UNC5D: variants seen among roughly 807,000 people sequenced by gnomAD.
UNC5D encodes the protein unc-5 netrin receptor D.
In UNC5D, 39 loss-of-function variants were observed where a neutral mutation model predicts 105.4. That is an observed-to-expected ratio of 0.37 (90% CI 0.29 to 0.48). The LOEUF is 0.48. Ranked by LOEUF, UNC5D falls within the 20% of genes least tolerant of loss-of-function variation. The pLI is 0.98. For missense variants in UNC5D, 991 were observed against 1,202.4 expected, an observed-to-expected ratio of 0.82 and a Z score of 2.60; for synonymous variants, 452 against 450.4, an observed-to-expected ratio of 1.00 and a Z score of -0.04.
chr8:35,387,021 C>CA (rs1315800910), intron 1 of UNC5D, among the ~76,000 whole-genome samples: 2 of 151,780 alleles, frequency 1.3e-5, no homozygotes, highest in Non-Finnish European at 2.9e-5. Context: ...GAATTCCCCC[C>CA]CTGCTGTAGT....
At chr8:35,361,565 G>T (rs984682937) in intron 1 of UNC5D, among the ~76,000 whole-genome samples, 1 of 152,114 alleles carries the variant, frequency 6.6e-6, no homozygotes, top group South Asian at 2.1e-4. Flanking sequence ...TTTCGGTGGG[G>T]TATTGACTGT....
Position 35,463,135 on chromosome 8 carries a change from C to A in UNC5D, c.104-86157C>A, listed in dbSNP as rs1340091512. 2.0e-5 allele frequency among the ~76,000 whole-genome samples: 3 copies of A among 152,140 alleles called. No individual in the cohort carries two copies. The East Asian group carries it at 5.8e-4, about 29-fold the overall frequency. ...TTTCCAATTGGATTTGTGTCTGTTG[C>A]AGCCTTGGATGGGTTCCCACAAACT... On this transcript the variant is annotated intron_variant, in intron 1 of 16. Coordinates refer to ENST00000404895, the MANE Select transcript of UNC5D (RefSeq NM_080872.4).
intron 1 of UNC5D, among the ~76,000 whole-genome samples, chr8:35,308,525 C>G (rs900653992): frequency 2.0e-5 from 3 of 152,066 alleles, no homozygotes; most frequent in Non-Finnish European, 2.9e-5. Context: ...ACAATGGTCC[C>G]CAGTGCCGTT....
rs145582726 is a variant in UNC5D at position 35,750,234 on chromosome 8, T to C, written c.1936-348T>C. 1.2e-3 allele frequency among the ~76,000 whole-genome samples: 175 copies of C among 151,974 alleles called. 1 individual carries two copies. The highest frequency in any genetic ancestry group is 4.1e-3 in the African/African-American group (171 of 41,438). On this transcript the variant is annotated intron_variant, in intron 12 of 16. Coordinates refer to ENST00000404895, the MANE Select transcript of UNC5D (RefSeq NM_080872.4). Reference sequence around the variant, plus strand: ...CCTACTGCAATCTCCACCTCCCAGGTTCAAGTGATTCTCCTGCCTCAGACC... The same window carrying C: ...CCTACTGCAATCTCCACCTCCCAGGCTCAAGTGATTCTCCTGCCTCAGACC...
chr8:35,384,295 T>C (rs530358589), intron 1 of UNC5D, among the ~76,000 whole-genome samples: 1 of 152,264 alleles, frequency 6.6e-6, no homozygotes, highest in Non-Finnish European at 1.5e-5. Flanking sequence ...TAACTCTGTT[T>C]CCCACGGTAT....
At chr8:35,365,052 C>T (rs1190654315) in intron 1 of UNC5D, among the ~76,000 whole-genome samples, 1 of 152,102 alleles carries the variant, frequency 6.6e-6, no homozygotes, top group African/African-American at 2.4e-5. Context: ...AGTGGTATGT[C>T]ATCTTCTCAT....
chr8:35,765,060 C>T (rs899436873), intron 14 of UNC5D, among the ~76,000 whole-genome samples: 1 of 152,206 alleles, frequency 6.6e-6, no homozygotes, highest in Non-Finnish European at 1.5e-5. Context: ...TGCACTAGCA[C>T]TGAAGCAGTG....
intron 3 of UNC5D, among the ~76,000 whole-genome samples, chr8:35,579,517 A>G (rs1325750600): frequency 6.6e-6 from 1 of 152,194 alleles, no homozygotes; most frequent in African/African-American, 2.4e-5. Context: ...CCTAAGATAC[A>G]CTTCCTGAGT....
chr8:35,668,270 AT>A (rs914701155), intron 4 of UNC5D, among the ~76,000 whole-genome samples: 4 of 151,908 alleles, frequency 2.6e-5, no homozygotes, highest in Admixed American at 2.6e-4. Context: ...TTTCCTATTG[AT>A]TTTTGGGTGC....
At position 35,589,640 on chromosome 8, in the gene UNC5D, C is replaced by T. The variant is rs545116839; in HGVS notation, c.467-5914C>T. ...AACCCACCAAAACTACTTCTCTTTG[C>T]TGTCCTTCCCCATACTCCTTGCTCA... On this transcript the variant is annotated intron_variant, in intron 3 of 16. Coordinates refer to ENST00000404895, the MANE Select transcript of UNC5D (RefSeq NM_080872.4). Among the ~76,000 whole-genome samples the T allele has an allele frequency of 2.6e-5, 4 of 152,218 alleles. No homozygotes were observed. The East Asian group carries it at 7.7e-4, about 29-fold the overall frequency.
intron 1 of UNC5D, among the ~76,000 whole-genome samples, chr8:35,489,997 A>C (rs1414980044): frequency 6.6e-6 from 1 of 152,248 alleles, no homozygotes; most frequent in Admixed American, 6.5e-5. Flanking sequence ...AAAAAGAGAG[A>C]GATCACTATT....
chr8:35,371,296 C>T (rs975660811), intron 1 of UNC5D, among the ~76,000 whole-genome samples: 4 of 152,052 alleles, frequency 2.6e-5, no homozygotes, highest in Non-Finnish European at 5.9e-5. Context: ...GGATTGCCAC[C>T]TCTTAATCAT....
chr8:35,648,976 T>G (rs1394566825), intron 4 of UNC5D, among the ~76,000 whole-genome samples: 1 of 152,136 alleles, frequency 6.6e-6, no homozygotes, highest in Non-Finnish European at 1.5e-5. Flanking sequence ...TAGGGTCTAG[T>G]AAGGCAATAC....
At chr8:35,657,080 G>GCA (rs1823806698) in intron 4 of UNC5D, among the ~76,000 whole-genome samples, 4 of 46,516 alleles carry the variant, frequency 8.6e-5, no homozygotes, top group East Asian at 1.2e-3. Flanking sequence ...GTGTGTGTGT[G>GCA]TATATATATA....
At chr8:35,736,159 G>A (rs1197426006) in intron 11 of UNC5D, among the ~76,000 whole-genome samples, 1 of 152,064 alleles carries the variant, frequency 6.6e-6, no homozygotes, top group Non-Finnish European at 1.5e-5. Context: ...AGGAGTTTGA[G>A]ACCAGCCTGG....
intron 1 of UNC5D, among the ~76,000 whole-genome samples, chr8:35,545,730 T>C (rs1815614980): frequency 6.6e-6 from 1 of 152,142 alleles, no homozygotes; most frequent in Non-Finnish European, 1.5e-5. Flanking sequence ...TATACAAATA[T>C]ATACCTACAA....
intron 1 of UNC5D, among the ~76,000 whole-genome samples, chr8:35,500,428 A>C (rs907222591): frequency 1.3e-5 from 2 of 152,310 alleles, no homozygotes; most frequent in East Asian, 3.9e-4. Flanking sequence ...TGGGGGCTAC[A>C]TTTAACCTGT....
intron 1 of UNC5D, among the ~76,000 whole-genome samples, chr8:35,348,549 T>G (rs1268916720): frequency 1.3e-5 from 2 of 151,942 alleles, no homozygotes; most frequent in Admixed American, 1.3e-4. Context: ...CAAGTTCTCA[T>G]CTAGTCATGA....
Position 35,774,056 on chromosome 8 carries a change from ATT to A in UNC5D, c.2479-242_2479-241del, listed in dbSNP as rs565383103. ...GCTCTTTTAATGCTGGAAGCTAGTC[ATT>A]GTGACGCCCCTGAGTGGAAGAGGCT... On this transcript the variant is annotated intron_variant, in intron 15 of 16. Transcript: ENST00000404895. Among the ~76,000 whole-genome samples, 1,130 of 152,256 alleles carry A rather than the reference ATT, an allele frequency of 7.4e-3. 8 individuals are homozygous for A. The highest frequency in any genetic ancestry group is 0.026 in the African/African-American group (1,060 of 41,540).
Sources: allele counts gnomAD v4.1 joint callset (sites outside exome capture counted in the v4.1 genomes callset), GRCh38; gene constraint gnomAD v4.1.1; transcripts MANE v1.5; gene names NCBI Gene and HGNC (gene_info 2026-07-23, HGNC 2026-07-21).